The following LMBRD2 variants were observed in gnomAD, a reference collection of about 807,000 sequenced individuals.
LMBRD2 encodes the protein LMBR1 domain containing 2, also known as G protein-coupled receptor-associated protein LMBRD2.
LMBRD2 carries 55 observed loss-of-function variants against 94.4 expected under a neutral mutation model. That is an observed-to-expected ratio of 0.58 (90% CI 0.47 to 0.73). The LOEUF is 0.73. Ranked by LOEUF, LMBRD2 falls within the 30% of genes least tolerant of loss-of-function variation. The probability of loss-of-function intolerance (pLI) is 0.00; values close to 1 mark genes in which losing one functional copy is unlikely to be tolerated. For synonymous variants in LMBRD2, 246 were observed against 272.4 expected (o/e 0.90, Z 0.95); for missense variants, 640 against 831.9 (o/e 0.77, Z 2.84).
chr5:36,151,346 A>G lies in LMBRD2; in HGVS notation c.-58+210T>C, dbSNP rs1472561790. ...AGGGCATGCGCAGCCTTCCCACCAC[A>G]CAGGACCCGCTGGGGTCTCCGGCTC... On this transcript the variant is annotated intron_variant, in intron 1 of 17. Coordinates refer to ENST00000296603, the MANE Select transcript of LMBRD2 (RefSeq NM_001007527.2). This position sits in a 1 kb window ranked among gnomAD's most constrained non-coding sequence, Gnocchi z 4.7. 6.6e-6 allele frequency among the ~76,000 whole-genome samples: 1 copy of G among 152,076 alleles called. No homozygotes were observed. The highest frequency in any genetic ancestry group is 1.5e-5 in the Non-Finnish European group (1 of 68,002).
In LMBRD2 at chr5:36,116,369, T is replaced by C. The variant is rs2111860469; in HGVS notation, c.1436+91A>G. On this transcript the variant is annotated intron_variant, in intron 11 of 17. Transcript: ENST00000296603. ...TAGCTGATAGAAATATAGATGTTAG[T>C]GGAACACCTGTAAACAACAAAAAAT... The C allele has an allele frequency of 3.5e-6, 4 of 1,145,316 alleles. No homozygotes were observed. In the South Asian group the frequency reaches 4.1e-5, roughly 12 times the overall value. The allele number at this position is 1,145,316 out of a possible 1,614,324, so 70.9% of individuals were successfully genotyped here.
intron 13 of LMBRD2, among the ~76,000 whole-genome samples, chr5:36,112,936 AT>A (rs1345204053): frequency 3.2e-4 from 49 of 152,240 alleles, no homozygotes; most frequent in Admixed American, 1.7e-3. Context: ...TTAATACATC[AT>A]TTTCACACTG....
In LMBRD2 at chr5:36,137,543, T is replaced by A. The variant is rs368499988; in HGVS notation, c.369-102A>T. 781 of 622,516 alleles carry A rather than the reference T, an allele frequency of 1.3e-3. 20 individuals are homozygous for A. In the South Asian group the frequency reaches 0.025, roughly 20 times the overall value. 38.6% of individuals were successfully genotyped at this position (622,516 alleles called of 1,614,324 possible). On this transcript the variant is annotated intron_variant, in intron 4 of 17. Coordinates refer to ENST00000296603, the MANE Select transcript of LMBRD2 (RefSeq NM_001007527.2). The stretch of plus-strand genomic sequence containing the variant: ...ATGAATCTCAATTTTAATGAATAGG[T>A]CTTCTCATTAATAAATGTTTATAAG...
intron 4 of LMBRD2, among the ~76,000 whole-genome samples, chr5:36,139,656 T>G (rs1055489453): frequency 6.6e-6 from 1 of 152,176 alleles, no homozygotes; most frequent in African/African-American, 2.4e-5. Context: ...ACAACCTGAC[T>G]ACAGATAGGA....
At chr5:36,127,221 C>A (rs886860020) in intron 6 of LMBRD2, among the ~76,000 whole-genome samples, 3 of 152,210 alleles carry the variant, frequency 2.0e-5, no homozygotes, top group Non-Finnish European at 4.4e-5. Flanking sequence ...CATTTCTCCT[C>A]AAGTTTATAA....
intron 1 of LMBRD2, among the ~76,000 whole-genome samples, chr5:36,150,334 A>G (rs904442285): frequency 6.6e-6 from 1 of 152,222 alleles, no homozygotes; most frequent in Admixed American, 6.5e-5. Flanking sequence ...CATCTCATCG[A>G]TTAAACCTTC....
At chr5:36,141,020 A>G in intron 4 of LMBRD2, 87 bp downstream of exon 4, 1 of 722,532 alleles carries the variant, frequency 1.4e-6, no homozygotes, top group South Asian at 1.7e-5. Flanking sequence ...CATATGACAC[A>G]TAAATAAATT....
intron 4 of LMBRD2, 190 bp downstream of exon 4, chr5:36,140,917 T>C: frequency 2.4e-6 from 1 of 423,030 alleles, no homozygotes; most frequent in Non-Finnish European, 4.2e-6. Flanking sequence ...TGCAGTTGTT[T>C]GCAGATCTAA....
At chr5:36,118,212 A>T (rs1743804569) in intron 9 of LMBRD2, among the ~76,000 whole-genome samples, 1 of 152,208 alleles carries the variant, frequency 6.6e-6, no homozygotes. Context: ...AGTCAAATTC[A>T]GGGACATTCA....
intron 5 of LMBRD2, 60 bp from the exon 6 acceptor site, chr5:36,136,579 C>T: frequency 7.2e-7 from 1 of 1,388,452 alleles, no homozygotes; most frequent in Non-Finnish European, 1.0e-6. Flanking sequence ...AATGCGACTG[C>T]ATAAATAGAC....
intron 1 of LMBRD2, among the ~76,000 whole-genome samples, chr5:36,149,696 C>G (rs1227270636): frequency 6.6e-6 from 1 of 152,168 alleles, no homozygotes. Flanking sequence ...CATCTGAGGT[C>G]GGGAGTTCGA....
At chr5:36,131,002 C>T (rs1189909835) in intron 6 of LMBRD2, among the ~76,000 whole-genome samples, 2 of 152,032 alleles carry the variant, frequency 1.3e-5, no homozygotes, top group Admixed American at 6.6e-5. Context: ...CAGTATTGCC[C>T]TGATTCCAAA....
At chr5:36,112,213 G>A (rs539242504) in intron 13 of LMBRD2, among the ~76,000 whole-genome samples, 1 of 152,118 alleles carries the variant, frequency 6.6e-6, no homozygotes, top group African/African-American at 2.4e-5. Context: ...ATTACCATTG[G>A]GTAAAATTGG....
intron 13 of LMBRD2, among the ~76,000 whole-genome samples, chr5:36,112,022 A>C (rs1040199216): frequency 6.6e-6 from 1 of 151,738 alleles, no homozygotes; most frequent in African/African-American, 2.4e-5. Context: ...CTACACAGAG[A>C]GGGAGGAAGA....
chr5:36,141,149 A>G lies in LMBRD2; in HGVS notation c.326T>C (p.Ile109Thr). The G allele has an allele frequency of 2.5e-6, 4 of 1,611,756 alleles. No homozygotes were observed. The highest frequency in any genetic ancestry group is 3.4e-6 in the Non-Finnish European group (4 of 1,178,338). The part of the protein sequence containing the change: ...WSYIPDGIMP[I>T]FWRVVYWTSQ... Reference sequence around the variant, plus strand: ...CGTCCAATACACTACCCTCCAGAAAATTGGCATGATTCCATCAGGAATGTA... The same window carrying G: ...CGTCCAATACACTACCCTCCAGAAAGTTGGCATGATTCCATCAGGAATGTA... The change falls in exon 4 of 18, where the codon ATT (isoleucine) becomes ACT (threonine). Residue 109 changes from isoleucine (I) to threonine (T), a missense_variant. This residue lies in a region of LMBRD2 where 457 missense variants were observed against 642.8 expected (regional missense o/e 0.71). Coordinates refer to ENST00000296603, the MANE Select transcript of LMBRD2 (RefSeq NM_001007527.2).
intron 9 of LMBRD2, among the ~76,000 whole-genome samples, chr5:36,121,425 G>A (rs1202702479): frequency 1.3e-5 from 2 of 152,142 alleles, no homozygotes; most frequent in African/African-American, 2.4e-5. Flanking sequence ...AAGGTAAATA[G>A]AAGTTTTAAT....
chr5:36,114,828 AC>A (rs1268591060), intron 12 of LMBRD2, among the ~76,000 whole-genome samples, 186 bp downstream of exon 12: 9 of 152,290 alleles, frequency 5.9e-5, no homozygotes, highest in South Asian at 2.1e-4. Flanking sequence ...ACCAAAAAAA[AC>A]ATTTTTATCA....
At chr5:36,124,128 CTTTTGGTAT>C in intron 7 of LMBRD2, 54 bp downstream of exon 7, 1 of 936,304 alleles carries the variant, frequency 1.1e-6, no homozygotes, top group South Asian at 1.7e-5. Flanking sequence ...TTTTCTGGTA[CTTTTGGTAT>C]AATATTATAT....
intron 6 of LMBRD2, among the ~76,000 whole-genome samples, chr5:36,130,686 G>A (rs370956001): frequency 6.6e-6 from 1 of 152,006 alleles, no homozygotes; most frequent in South Asian, 2.1e-4. Flanking sequence ...AAATTCAAAG[G>A]ATTATTAGAG....
Sources: allele counts gnomAD v4.1 joint callset (sites outside exome capture counted in the v4.1 genomes callset), GRCh38; gene constraint gnomAD v4.1.1; regional missense constraint gnomAD v4.1.1; non-coding constraint Gnocchi (gnomAD v3.1); transcripts MANE v1.5; gene names NCBI Gene and HGNC (gene_info 2026-07-23, HGNC 2026-07-21).